Variants in USP48 observed in about 807,000 individuals in gnomAD.
USP48 encodes the protein ubiquitin specific peptidase 48.
A neutral mutation model predicts 150.7 loss-of-function variants in USP48; 43 were observed. The ratio of observed to expected loss-of-function variants is 0.29; its 90% confidence interval spans 0.22 to 0.37. The LOEUF is 0.37. Ranked by LOEUF, USP48 falls within the 10% of genes least tolerant of loss-of-function variation. USP48 has a pLI of 1.00. For missense variants in USP48, 813 were observed against 1,249.6 expected, an observed-to-expected ratio of 0.65 and a Z score of 5.27; for synonymous variants, 396 against 425.9, an observed-to-expected ratio of 0.93 and a Z score of 0.86.
intron 15 of USP48, among the ~76,000 whole-genome samples, chr1:21,713,294 A>G (rs1184413420): frequency 6.6e-6 from 1 of 152,034 alleles, no homozygotes; most frequent in Non-Finnish European, 1.5e-5. Flanking sequence ...CTTTCTGTAG[A>G]GATGGGGTCT....
At chr1:21,688,622 A>G (rs2152497352) in intron 24 of USP48, among the ~76,000 whole-genome samples, 1 of 151,552 alleles carries the variant, frequency 6.6e-6, no homozygotes, top group South Asian at 2.1e-4. Flanking sequence ...CGGGCAGATC[A>G]CCTGAGGTCA....
rs759674735 is a variant in USP48 at position 21,757,699 on chromosome 1, A to G, written c.219T>C (p.His73=). 19 of 1,613,184 alleles carry G rather than the reference A, an allele frequency of 1.2e-5. No homozygotes were observed. The highest frequency in any genetic ancestry group is 3.4e-6 in the Non-Finnish European group (4 of 1,179,760). ...WLGEIDENSF[H]NIDDPNCERR... ...TCTCACAGTTGGGATCATCGATGTT[A>G]TGAAAACTATTTTCATCTATTTCTC... Residue 73 remains histidine, a synonymous_variant, in exon 2 of 27, where the codon CAT becomes CAC. Transcript: ENST00000308271.
At chr1:21,682,548 C>CT (rs928432769) in intron 25 of USP48, among the ~76,000 whole-genome samples, 3 of 151,906 alleles carry the variant, frequency 2.0e-5, no homozygotes, top group Non-Finnish European at 4.4e-5. Context: ...CCTCAACTAT[C>CT]TGACTGCTCA....
chr1:21,746,929 T>C (rs2097795972), intron 8 of USP48, 138 bp downstream of exon 8: 1 of 611,384 alleles, frequency 1.6e-6, no homozygotes, highest in African/African-American at 1.9e-5. Flanking sequence ...AAAAAGTCTT[T>C]GTTCCCAGAC....
chr1:21,781,982 G>A (rs896497445), intron 1 of USP48: 2 of 152,132 alleles, frequency 1.3e-5, no homozygotes, highest in Non-Finnish European at 2.9e-5. Context: ...CAAAGCCAGA[G>A]ACCATGACTT....
At chr1:21,758,185 A>AACACAC (rs149088635) in intron 1 of USP48, among the ~76,000 whole-genome samples, 12,233 of 141,320 alleles carry the variant, frequency 0.087, 503 homozygotes, top group Non-Finnish European at 0.098. Flanking sequence ...GCAACTGTAA[A>AACACAC]ACACACACAC....
chr1:21,757,590 A>C, intron 2 of USP48, 73 bp downstream of exon 2: 1 of 1,522,872 alleles, frequency 6.6e-7, no homozygotes, highest in South Asian at 1.3e-5. Flanking sequence ...TTTTCTGATC[A>C]CAGGCCCAAA....
chr1:21,765,714 GA>G (rs1288434434), intron 1 of USP48, among the ~76,000 whole-genome samples: 1 of 151,816 alleles, frequency 6.6e-6, no homozygotes, highest in African/African-American at 2.4e-5. Flanking sequence ...TCTAGTGGAA[GA>G]TGAGGTCTTA....
intron 13 of USP48, 32 bp from the exon 14 acceptor site, chr1:21,721,198 A>G: frequency 3.1e-6 from 5 of 1,611,262 alleles, no homozygotes; most frequent in Non-Finnish European, 4.2e-6. Flanking sequence ...AAATCATATA[A>G]GTAATATTTC....
chr1:21,734,172 A>G (rs992607117), intron 9 of USP48, among the ~76,000 whole-genome samples: 3 of 152,180 alleles, frequency 2.0e-5, no homozygotes, highest in Non-Finnish European at 4.4e-5. Flanking sequence ...GGCCAAGTGC[A>G]AGGATCGTCT....
intron 1 of USP48, among the ~76,000 whole-genome samples, chr1:21,766,774 A>G (rs1018699147): frequency 4.6e-5 from 7 of 152,044 alleles, no homozygotes; most frequent in African/African-American, 1.4e-4. Flanking sequence ...GGCTCAAGAC[A>G]TTCTCCTGCC....
rs781644174 is a variant in USP48, at chr1:21,704,387, G to A, written c.2390C>T (p.Ala797Val). The A allele has an allele frequency of 6.3e-7, 1 of 1,592,926 alleles. No individual in the cohort carries two copies. The highest frequency in any genetic ancestry group is 1.2e-5 in the South Asian group (1 of 86,318). Residue 797 changes from alanine (A) to valine (V), a missense_variant, in exon 20 of 27, where the codon GCT becomes GTT. Ala to Val is a moderately conservative substitution (Grantham distance 64, BLOSUM62 0). Transcript: ENST00000308271. ...SMTKEDSKLI[A>V]LIWPSEWQMI... ...TTGCCACTCACTGGGCCATATGAGA[G>A]CTATACTGTGCAAAAAAAAAACACA...
intron 8 of USP48, among the ~76,000 whole-genome samples, chr1:21,746,727 TGTTA>T (rs1156461030): frequency 9.2e-5 from 14 of 152,226 alleles, no homozygotes; most frequent in African/African-American, 3.4e-4. Context: ...GCTTGGAGAC[TGTTA>T]GTTTTGAGAA....
chr1:21,697,535 C>G (rs1434196160), intron 22 of USP48, among the ~76,000 whole-genome samples: 1 of 151,614 alleles, frequency 6.6e-6, no homozygotes, highest in Non-Finnish European at 1.5e-5. Context: ...TGGTGGTGGG[C>G]GCCTGTAGTC....
chr1:21,716,897 G>A (rs373443538), intron 14 of USP48, among the ~76,000 whole-genome samples: 10 of 152,134 alleles, frequency 6.6e-5, no homozygotes, highest in East Asian at 5.8e-4. Flanking sequence ...GCATGGTGGC[G>A]GGCCCCTGTA....
chr1:21,769,328 G>A (rs2097872167), intron 1 of USP48, among the ~76,000 whole-genome samples: 1 of 149,230 alleles, frequency 6.7e-6, no homozygotes, highest in African/African-American at 2.4e-5. Flanking sequence ...GAGAACTTCT[G>A]AACACAAAGA....
At chr1:21,739,195 G>C (rs1043203366) in intron 8 of USP48, among the ~76,000 whole-genome samples, 2 of 151,968 alleles carry the variant, frequency 1.3e-5, no homozygotes, top group African/African-American at 4.8e-5. Flanking sequence ...TCTAACAGGG[G>C]ACTCCCACCA....
chr1:21,751,664 CAA>C (rs755477626), intron 5 of USP48, 49 bp from the exon 6 acceptor site: 15 of 1,410,786 alleles, frequency 1.1e-5, no homozygotes, highest in African/African-American at 4.2e-5. Context: ...TGAAAAGCAA[CAA>C]AGTTATATTG....
chr1:21,680,016 G>GT (rs1285314963), intron 26 of USP48, among the ~76,000 whole-genome samples: 3 of 152,086 alleles, frequency 2.0e-5, no homozygotes, highest in Non-Finnish European at 4.4e-5. Flanking sequence ...TCATAAAGAC[G>GT]TTTTTTGCTT....
Sources: allele counts gnomAD v4.1 joint callset (sites outside exome capture counted in the v4.1 genomes callset), GRCh38; gene constraint gnomAD v4.1.1; transcripts MANE v1.5; gene names NCBI Gene and HGNC (gene_info 2026-07-23, HGNC 2026-07-21).